The following COQ5 variants were observed in gnomAD, a reference collection of about 807,000 sequenced individuals.
COQ5 encodes the protein coenzyme Q5, methyltransferase, also known as 2-methoxy-6-polyprenyl-1,4-benzoquinol methylase, mitochondrial.
A neutral mutation model predicts 40.5 loss-of-function variants in COQ5; 27 were observed. The observed-to-expected ratio is 0.67, with a 90% confidence interval of 0.49 to 0.92. COQ5 has a LOEUF of 0.92. Among genes scored for constraint, COQ5 ranks in the 40% least tolerant of loss-of-function variants. COQ5 has a pLI of 0.00. For missense variants in COQ5, 409 were observed against 406.4 expected (o/e 1.01, Z -0.06); for synonymous variants, 141 against 150.0 (o/e 0.94, Z 0.44).
intron 4 of COQ5, among the ~76,000 whole-genome samples, chr12:120,506,339 C>T (rs1246319697): frequency 6.6e-6 from 1 of 151,878 alleles, no homozygotes; most frequent in African/African-American, 2.4e-5. Flanking sequence ...GAAAGAGATA[C>T]AGTCAATTTC....
intron 4 of COQ5, 155 bp downstream of exon 4, chr12:120,509,862 G>C (rs530107444): frequency 7.5e-6 from 5 of 666,986 alleles, no homozygotes; most frequent in African/African-American, 5.3e-5. Context: ...GATGTGGAAG[G>C]ACTGCTTGAG....
At chr12:120,528,912 C>G (rs1369221443) in intron 1 of COQ5, 28 bp downstream of exon 1, 4 of 1,604,780 alleles carry the variant, frequency 2.5e-6, no homozygotes, top group Non-Finnish European at 2.6e-6. Flanking sequence ...GGTCAGATCC[C>G]TCCCATCCGC....
intron 2 of COQ5, among the ~76,000 whole-genome samples, chr12:120,518,607 C>T (rs1000199583): frequency 2.0e-5 from 3 of 151,558 alleles, no homozygotes; most frequent in African/African-American, 7.3e-5. Context: ...GCTCTATTCC[C>T]AGGCTAGAGT....
intron 2 of COQ5, among the ~76,000 whole-genome samples, chr12:120,520,348 CAG>C (rs1441496224): frequency 6.7e-6 from 1 of 149,896 alleles, no homozygotes; most frequent in Non-Finnish European, 1.5e-5. Flanking sequence ...TTTTTTGAGA[CAG>C]AGTCTCGCTC....
intron 1 of COQ5, chr12:120,526,493 T>G (rs1281728795): frequency 4.4e-6 from 2 of 455,290 alleles, no homozygotes; most frequent in Non-Finnish European, 8.8e-6. Flanking sequence ...ACAAAAAGGT[T>G]GAAGATGTCC....
Position 120,528,914 on chromosome 12 carries a change from C to T in COQ5, c.202+26G>A, listed in dbSNP as rs748297523. On this transcript the variant is annotated intron_variant, in intron 1 of 6. Transcript: ENST00000288532. ...CCAGACCATGGACGGTCAGATCCCTCCCATCCGCCCTCTCGCCCCTTTCAC... is the reference window on the plus strand; with the variant it reads ...CCAGACCATGGACGGTCAGATCCCTTCCATCCGCCCTCTCGCCCCTTTCAC... 2.5e-6 allele frequency: 4 copies of T among 1,606,322 alleles called. No individual in the cohort carries two copies. In the South Asian group the frequency reaches 3.3e-5, roughly 13 times the overall value.
intron 4 of COQ5, 118 bp from the exon 5 acceptor site, chr12:120,505,101 C>G: frequency 1.3e-6 from 1 of 783,256 alleles, no homozygotes; most frequent in Non-Finnish European, 2.2e-6. Context: ...CCACAAACCT[C>G]TTGTTTGTTC....
At position 120,528,966 on chromosome 12, in the gene COQ5, A is replaced by C. The variant is rs1263886962; in HGVS notation, c.176T>G (p.Val59Gly). 1 of 1,613,724 alleles carries C rather than the reference A, an allele frequency of 6.2e-7. No homozygotes were observed. Among genetic ancestry groups the C allele is most frequent in the East Asian group, 2.2e-5 (1 of 44,890 alleles). ...AAETHFGFET[V>G]SEEEKGGKVY... ...TTTGCCCCCCTTCTCCTCTTCCGAC[A>C]CAGTCTCAAACCCAAAGTGCGTTTC... The change falls in exon 1 of 7, where the codon GTG becomes GGG. Residue 59 changes from valine to glycine, a missense_variant. By Grantham distance (109) the Val-to-Gly change is moderately radical. Transcript: ENST00000288532.
chr12:120,514,490 C>T (rs150487177), intron 3 of COQ5, among the ~76,000 whole-genome samples: 3,100 of 152,066 alleles, frequency 0.02, 102 homozygotes, highest in African/African-American at 0.07. Context: ...CCTATAATCC[C>T]AACACTTTGG....
At chr12:120,510,859 A>G (rs553577379) in intron 3 of COQ5, among the ~76,000 whole-genome samples, 2 of 152,166 alleles carry the variant, frequency 1.3e-5, no homozygotes, top group African/African-American at 4.8e-5. Flanking sequence ...AGACTTTAAC[A>G]TTATACAACC....
intron 6 of COQ5, 29 bp from the exon 7 acceptor site, chr12:120,503,914 AG>A (rs1406179149): frequency 6.2e-7 from 1 of 1,606,174 alleles, no homozygotes; most frequent in Admixed American, 1.7e-5. Flanking sequence ...TGATAAAGCC[AG>A]GGTAGCCTGG....
At position 120,522,356 on chromosome 12, in the gene COQ5, C is replaced by T. The variant is rs1869707458; in HGVS notation, c.210G>A (p.Gln70=). ...SEEEKGGKVY[Q]VFESVAKKYD... The stretch of plus-strand genomic sequence containing the variant: ...ACTTCTTAGCCACACTTTCAAACAC[C>T]TGATAGACTGACATGGGAGAAACAC... Residue 70 remains glutamine, a synonymous_variant, in exon 2 of 7, where the codon CAG becomes CAA. Coordinates refer to ENST00000288532, the MANE Select transcript of COQ5 (RefSeq NM_032314.4). 6.2e-7 allele frequency: 1 copy of T among 1,613,292 alleles called. No homozygotes were observed. Among genetic ancestry groups the T allele is most frequent in the African/African-American group, 1.3e-5 (1 of 74,904 alleles).
chr12:120,524,912 G>A (rs183601552), intron 1 of COQ5, among the ~76,000 whole-genome samples: 9 of 150,792 alleles, frequency 6.0e-5, no homozygotes, highest in South Asian at 4.2e-4. Context: ...TCCGCCTCCC[G>A]GCAATTCTCC....
intron 2 of COQ5, among the ~76,000 whole-genome samples, chr12:120,517,692 A>G (rs978313736): frequency 6.6e-6 from 1 of 151,866 alleles, no homozygotes; most frequent in African/African-American, 2.4e-5. Context: ...AAAAAAAAAA[A>G]CCAAATCAAG....
At position 120,512,516 on chromosome 12, in the gene COQ5, G is replaced by A. The variant is rs181912637; in HGVS notation, c.575-2393C>T. 4.4e-3 allele frequency among the ~76,000 whole-genome samples: 661 copies of A among 151,364 alleles called. 7 individuals carry two copies. The highest frequency in any genetic ancestry group is 0.015 in the African/African-American group (619 of 41,268). ...CTTGGGAGGCTGAGGCAGGGGAATCGCTTGAACCGGGAGGCGGAGGTTGCA... is the reference window on the plus strand; with the variant it reads ...CTTGGGAGGCTGAGGCAGGGGAATCACTTGAACCGGGAGGCGGAGGTTGCA... On this transcript the variant is annotated intron_variant, in intron 3 of 6. Transcript: ENST00000288532.
chr12:120,504,185 C>T, intron 5 of COQ5, 104 bp from the exon 6 acceptor site: 2 of 759,250 alleles, frequency 2.6e-6, no homozygotes, highest in Non-Finnish European at 4.7e-6. Context: ...AACTCAAATG[C>T]CTATAGGGAT....
At chr12:120,515,040 C>G (rs138346410) in intron 3 of COQ5, among the ~76,000 whole-genome samples, 18 of 152,180 alleles carry the variant, frequency 1.2e-4, no homozygotes, top group Middle Eastern at 3.4e-3. Flanking sequence ...GATCCACCCC[C>G]CCTCGGCCTC....
At chr12:120,524,023 A>C (rs1161555399) in intron 1 of COQ5, 2 of 306,678 alleles carry the variant, frequency 6.5e-6, no homozygotes, top group Non-Finnish European at 1.3e-5. Flanking sequence ...ATAAAGATGA[A>C]AGATGCATGA....
At chr12:120,515,371 T>C (rs750768229) in intron 3 of COQ5, among the ~76,000 whole-genome samples, 2 of 152,242 alleles carry the variant, frequency 1.3e-5, no homozygotes, top group Non-Finnish European at 2.9e-5. Flanking sequence ...ATTACAGGCA[T>C]GAGCCACCTC....
Sources: gnomAD v4.1 joint callset for allele counts (sites outside exome capture counted in the v4.1 genomes callset) on GRCh38, gnomAD v4.1.1 for gene constraint, MANE v1.5 for transcripts, NCBI Gene and HGNC (gene_info 2026-07-23, HGNC 2026-07-21) for gene names.